FBXL13: variants seen among roughly 807,000 people sequenced by gnomAD.
FBXL13 encodes F-box and leucine rich repeat protein 13, also known as F-box and leucine-rich repeat protein 13.
A neutral mutation model predicts 83.6 loss-of-function variants in FBXL13; 67 were observed. That is an observed-to-expected ratio of 0.80 (90% CI 0.66 to 0.98). The LOEUF is 0.98. FBXL13 is among the 50% of genes least tolerant of loss of function. The probability of loss-of-function intolerance (pLI) is 0.00; values close to 1 mark genes in which losing one functional copy is unlikely to be tolerated. For synonymous variants in FBXL13, 272 were observed against 299.5 expected (o/e 0.91, Z 0.95); for missense variants, 822 against 866.5 (o/e 0.95, Z 0.64).
At chr7:103,020,280 C>A (rs960375285) in intron 6 of FBXL13, among the ~76,000 whole-genome samples, 2 of 152,176 alleles carry the variant, frequency 1.3e-5, no homozygotes, top group Non-Finnish European at 2.9e-5. Context: ...AACAACCCTT[C>A]GTGCTAAAAA....
chr7:102,963,985 G>A (rs777312539), intron 7 of FBXL13, among the ~76,000 whole-genome samples: 33 of 152,142 alleles, frequency 2.2e-4, no homozygotes, highest in Non-Finnish European at 4.1e-4. Context: ...ATGAGAAAAT[G>A]ATCCACATCA....
chr7:102,881,436 C>CA (rs34979881), intron 14 of FBXL13, among the ~76,000 whole-genome samples: 1,949 of 60,732 alleles, frequency 0.032, 49 homozygotes, highest in South Asian at 0.053. Flanking sequence ...GACTCCATCT[C>CA]AAAAAAAAAA....
chr7:102,902,589 C>A (rs987428619), intron 11 of FBXL13, among the ~76,000 whole-genome samples: 2 of 152,096 alleles, frequency 1.3e-5, no homozygotes, highest in Non-Finnish European at 2.9e-5. Flanking sequence ...AATATTTAAT[C>A]CATTTTGATT....
At chr7:103,032,573 C>T (rs1794616051) in intron 2 of FBXL13, among the ~76,000 whole-genome samples, 1 of 152,178 alleles carries the variant, frequency 6.6e-6, no homozygotes, top group Non-Finnish European at 1.5e-5. Context: ...ATTTGCATTG[C>T]AAACTCAGTT....
chr7:102,901,213 C>T (rs78024722), intron 11 of FBXL13, among the ~76,000 whole-genome samples: 3,831 of 152,256 alleles, frequency 0.025, 159 homozygotes, highest in East Asian at 0.16. Context: ...CAAAATTTTA[C>T]ATATTGGCTT....
At chr7:103,047,145 G>C (rs1365095242) in intron 2 of FBXL13, 5 of 152,196 alleles carry the variant, frequency 3.3e-5, no homozygotes, top group African/African-American at 7.2e-5. Flanking sequence ...GTACCTGATA[G>C]CCAAGCGTAC....
intron 8 of FBXL13, among the ~76,000 whole-genome samples, chr7:102,939,862 G>T (rs1821055767): frequency 6.6e-6 from 1 of 151,872 alleles, no homozygotes; most frequent in Admixed American, 6.6e-5. Flanking sequence ...GTAATATATG[G>T]CAAATGGTCA....
chr7:103,001,291 A>C (rs1475363083), intron 6 of FBXL13, among the ~76,000 whole-genome samples: 1 of 152,090 alleles, frequency 6.6e-6, no homozygotes, highest in Non-Finnish European at 1.5e-5. Context: ...CTTTGCCTTC[A>C]GTCTATATGT....
At chr7:102,962,485 A>G (rs1585149623) in intron 8 of FBXL13, among the ~76,000 whole-genome samples, 1 of 152,210 alleles carries the variant, frequency 6.6e-6, no homozygotes, top group Admixed American at 6.5e-5. Flanking sequence ...ATTACTGAGT[A>G]TATACCCAAA....
chr7:103,008,942 T>C (rs183181320), intron 6 of FBXL13, among the ~76,000 whole-genome samples: 4 of 152,052 alleles, frequency 2.6e-5, no homozygotes, highest in Admixed American at 2.0e-4. Flanking sequence ...AATAGCACAA[T>C]ACACAGGAGG....
intron 11 of FBXL13, among the ~76,000 whole-genome samples, chr7:102,885,824 C>CT (rs1001999585): frequency 1.3e-5 from 2 of 152,082 alleles, no homozygotes; most frequent in South Asian, 2.1e-4. Context: ...TCCAACTTCA[C>CT]TTTTTTTTCA....
chr7:102,884,657 T>G (rs555791745), intron 11 of FBXL13, among the ~76,000 whole-genome samples: 1 of 152,206 alleles, frequency 6.6e-6, no homozygotes, highest in South Asian at 2.1e-4. Flanking sequence ...TAAAAAAATT[T>G]TTTTAATTAA....
chr7:103,041,029 T>A (rs992286693), intron 2 of FBXL13, among the ~76,000 whole-genome samples: 1 of 152,052 alleles, frequency 6.6e-6, no homozygotes, highest in African/African-American at 2.4e-5. Flanking sequence ...AAAACCAATG[T>A]ATCCAGGAGC....
At chr7:102,912,273 G>A (rs1255557503) in intron 11 of FBXL13, among the ~76,000 whole-genome samples, 3 of 152,130 alleles carry the variant, frequency 2.0e-5, no homozygotes, top group Non-Finnish European at 4.4e-5. Flanking sequence ...CTTGGCATAT[G>A]GTAATGACTC....
intron 2 of FBXL13, among the ~76,000 whole-genome samples, chr7:103,045,912 G>A (rs928854405): frequency 2.6e-5 from 4 of 152,124 alleles, no homozygotes; most frequent in African/African-American, 9.7e-5. Flanking sequence ...TCTCATGGTC[G>A]CACATTTCTT....
intron 10 of FBXL13, among the ~76,000 whole-genome samples, chr7:102,914,909 G>A (rs1395999147): frequency 1.3e-5 from 2 of 152,072 alleles, no homozygotes; most frequent in African/African-American, 4.8e-5. Context: ...TTTTCTTGGG[G>A]TGGGGAGAGG....
At chr7:102,946,810 G>A (rs1585082290) in intron 8 of FBXL13, among the ~76,000 whole-genome samples, 2 of 152,066 alleles carry the variant, frequency 1.3e-5, no homozygotes, top group Middle Eastern at 3.4e-3. Flanking sequence ...GAGTAGCTGG[G>A]ATTACAGGCG....
intron 18 of FBXL13, among the ~76,000 whole-genome samples, chr7:102,827,437 TGA>T (rs1334593578): frequency 6.6e-6 from 1 of 152,174 alleles, no homozygotes; most frequent in African/African-American, 2.4e-5. Context: ...CCACTGAGTT[TGA>T]GAGTGACTGG....
chr7:102,817,056 C>T (rs1040484311), intron 19 of FBXL13, among the ~76,000 whole-genome samples: 1 of 152,198 alleles, frequency 6.6e-6, no homozygotes, highest in South Asian at 2.1e-4. Context: ...GTGAATGATG[C>T]TGCAATAAAC....
Sources: allele counts gnomAD v4.1 joint callset (sites outside exome capture counted in the v4.1 genomes callset), GRCh38; gene constraint gnomAD v4.1.1; transcripts MANE v1.5; gene names NCBI Gene and HGNC (gene_info 2026-07-23, HGNC 2026-07-21).